CPQ: variants seen among roughly 807,000 people sequenced by gnomAD.
CPQ encodes Ser-Met dipeptidase.
CPQ carries 37 observed loss-of-function variants against 45.7 expected under a neutral mutation model. The observed-to-expected ratio is 0.81, with a 90% CI of 0.62 to 1.07. The LOEUF (loss-of-function observed/expected upper bound fraction) is 1.07. CPQ is among the 50% of genes least tolerant of loss of function. The probability of loss-of-function intolerance (pLI) is 0.00; values close to 1 mark genes in which losing one functional copy is unlikely to be tolerated. For synonymous variants in CPQ, 186 were observed against 205.8 expected (o/e 0.90, Z 0.82); for missense variants, 537 against 572.9 (o/e 0.94, Z 0.64).
At chr8:96,732,823 G>A (rs987379155) in intron 1 of CPQ, among the ~76,000 whole-genome samples, 1 of 152,278 alleles carries the variant, frequency 6.6e-6, no homozygotes. Flanking sequence ...TGGCTCTGAG[G>A]TAATCAGAGT....
chr8:96,838,214 G>C (rs1811556189), intron 3 of CPQ, among the ~76,000 whole-genome samples: 1 of 152,110 alleles, frequency 6.6e-6, no homozygotes, highest in Non-Finnish European at 1.5e-5. Context: ...TCGTGCTTTG[G>C]TAGAGTAGAC....
intron 4 of CPQ, among the ~76,000 whole-genome samples, chr8:96,894,835 A>C (rs1812422577): frequency 6.6e-6 from 1 of 152,218 alleles, no homozygotes; most frequent in African/African-American, 2.4e-5. Context: ...AGAGCCAAGA[A>C]TTAACTAATG....
intron 5 of CPQ, among the ~76,000 whole-genome samples, chr8:96,983,400 G>A (rs754067626): frequency 2.6e-5 from 4 of 152,232 alleles, no homozygotes; most frequent in Middle Eastern, 3.4e-3. Context: ...TTATTACTGC[G>A]TTACTGAGCT....
At chr8:96,693,689 A>G (rs1483283423) in intron 1 of CPQ, among the ~76,000 whole-genome samples, 1 of 152,228 alleles carries the variant, frequency 6.6e-6, no homozygotes, top group Admixed American at 6.5e-5. Flanking sequence ...CATCAACATC[A>G]GACCTGTCCT....
intron 4 of CPQ, among the ~76,000 whole-genome samples, chr8:96,956,349 A>G (rs1262590390): frequency 3.3e-5 from 5 of 152,122 alleles, no homozygotes; most frequent in Non-Finnish European, 7.4e-5. Flanking sequence ...GCTTCATGTT[A>G]GCTTTGGAAT....
intron 1 of CPQ, among the ~76,000 whole-genome samples, chr8:96,667,646 G>T (rs146582935): frequency 0.012 from 1,797 of 152,150 alleles, 47 homozygotes; most frequent in African/African-American, 0.039. Flanking sequence ...ACCGCACCTG[G>T]CCTTATCTCC....
intron 5 of CPQ, among the ~76,000 whole-genome samples, chr8:96,994,833 A>C (rs968338434): frequency 6.6e-6 from 1 of 152,050 alleles, no homozygotes; most frequent in African/African-American, 2.4e-5. Flanking sequence ...TATTAATAAC[A>C]TGATAAAAAT....
chr8:97,127,459 C>A (rs1811866373), intron 7 of CPQ, among the ~76,000 whole-genome samples: 1 of 151,986 alleles, frequency 6.6e-6, no homozygotes, highest in Admixed American at 6.6e-5. Flanking sequence ...AGGCCAAGGC[C>A]AGCAGATCAC....
At chr8:96,903,636 C>G (rs1812540530) in intron 4 of CPQ, among the ~76,000 whole-genome samples, 1 of 152,138 alleles carries the variant, frequency 6.6e-6, no homozygotes, top group South Asian at 2.1e-4. Flanking sequence ...TATATTTTCT[C>G]ATTTATTCCT....
intron 3 of CPQ, among the ~76,000 whole-genome samples, chr8:96,840,355 T>C (rs1288655145): frequency 1.3e-5 from 2 of 152,246 alleles, no homozygotes; most frequent in East Asian, 1.9e-4. Context: ...TTAAGTCTAA[T>C]GTGGAGGAAA....
chr8:96,864,599 T>C (rs1811972602), intron 3 of CPQ, among the ~76,000 whole-genome samples: 1 of 122,552 alleles, frequency 8.2e-6, no homozygotes, highest in South Asian at 3.2e-4. Context: ...TGCAAGATTA[T>C]AGGAAACCCA....
chr8:96,662,803 C>T (rs1010280014), intron 1 of CPQ, among the ~76,000 whole-genome samples: 1 of 152,112 alleles, frequency 6.6e-6, no homozygotes, highest in African/African-American at 2.4e-5. Context: ...ACCTGGGCAA[C>T]ATGGCAAAAC....
chr8:97,023,258 T>C (rs946383701), intron 5 of CPQ, among the ~76,000 whole-genome samples: 10 of 151,910 alleles, frequency 6.6e-5, no homozygotes, highest in African/African-American at 2.4e-4. Flanking sequence ...CTCACTCATA[T>C]GTGGGAGCCA....
At chr8:96,994,908 G>A (rs564703270) in intron 5 of CPQ, among the ~76,000 whole-genome samples, 133 of 152,136 alleles carry the variant, frequency 8.7e-4, no homozygotes, top group Middle Eastern at 3.4e-3. Context: ...GTGGGACATT[G>A]GTCAACAGAG....
intron 1 of CPQ, among the ~76,000 whole-genome samples, chr8:96,766,963 C>A (rs1294458728): frequency 1.3e-5 from 2 of 152,140 alleles, no homozygotes; most frequent in Non-Finnish European, 2.9e-5. Flanking sequence ...AAACCCAAAT[C>A]ACCTTCTTAT....
At chr8:96,903,190 C>T (rs1812534789) in intron 4 of CPQ, among the ~76,000 whole-genome samples, 1 of 152,196 alleles carries the variant, frequency 6.6e-6, no homozygotes, top group Non-Finnish European at 1.5e-5. Context: ...CTTTTCTTGC[C>T]TCACTTTCCT....
At chr8:97,053,121 A>G (rs1810389874) in intron 6 of CPQ, among the ~76,000 whole-genome samples, 1 of 152,176 alleles carries the variant, frequency 6.6e-6, no homozygotes, top group Admixed American at 6.5e-5. Flanking sequence ...ACATGCTCGC[A>G]TGGGTTCACA....
At chr8:96,869,841 A>C (rs1328054149) in intron 3 of CPQ, among the ~76,000 whole-genome samples, 2 of 152,064 alleles carry the variant, frequency 1.3e-5, no homozygotes, top group African/African-American at 4.8e-5. Flanking sequence ...TAGCCTGAAG[A>C]AAAACTGAAA....
chr8:97,101,373 A>G (rs1299754618), intron 7 of CPQ, among the ~76,000 whole-genome samples: 1 of 151,834 alleles, frequency 6.6e-6, no homozygotes, highest in Non-Finnish European at 1.5e-5. Flanking sequence ...AATTGATCAA[A>G]TTGTGGTCAA....
Sources: gnomAD v4.1 joint callset for allele counts (sites outside exome capture counted in the v4.1 genomes callset) on GRCh38, gnomAD v4.1.1 for gene constraint, MANE v1.5 for transcripts, NCBI Gene and HGNC (gene_info 2026-07-23, HGNC 2026-07-21) for gene names.